The following DGKB variants were observed in gnomAD, a reference collection of about 807,000 sequenced individuals.
The protein encoded by DGKB is 90 kDa diacylglycerol kinase.
Under a neutral mutation model 114.3 loss-of-function variants are expected in DGKB, and 67 were observed. The ratio of observed to expected loss-of-function variants is 0.59; its 90% CI spans 0.48 to 0.72. DGKB has a LOEUF of 0.72. Among genes scored for constraint, DGKB ranks in the 30% least tolerant of loss-of-function variants. The probability of loss-of-function intolerance (pLI) is 0.00; values close to 1 mark genes in which losing one functional copy is unlikely to be tolerated. For synonymous variants in DGKB, 398 were observed against 323.1 expected (o/e 1.23, Z -2.49); for missense variants, 907 against 975.2 (o/e 0.93, Z 0.93).
rs959367117 is a variant in DGKB at position 14,281,046 on chromosome 7, A to G, written c.2122+57469T>C. ...AAATGTAAATGGACTAAATGCTCCA[A>G]TTAAAAGACACAGACTGGCAAATTG... is the stretch of plus-strand genomic sequence containing the variant. On this transcript the variant is annotated intron_variant, in intron 23 of 25. Transcript: ENST00000402815. Among the ~76,000 whole-genome samples, 255 of 150,154 alleles carry G rather than the reference A, an allele frequency of 1.7e-3. 1 individual carries two copies. Among genetic ancestry groups the G allele is most frequent in the African/African-American group, 5.9e-3 (241 of 41,042 alleles).
At chr7:14,505,050 T>C (rs1786815360) in intron 20 of DGKB, among the ~76,000 whole-genome samples, 1 of 152,198 alleles carries the variant, frequency 6.6e-6, no homozygotes, top group African/African-American at 2.4e-5. Context: ...TGCTATCTCT[T>C]AACCCCTGGC....
chr7:14,846,850 G>A (rs1860582), intron 1 of DGKB, among the ~76,000 whole-genome samples: 50,621 of 152,046 alleles, frequency 0.33, 10,027 homozygotes, highest in Non-Finnish European at 0.44. Context: ...CAACCTACTC[G>A]TGAAGACGCC....
At chr7:14,323,520 G>T (rs533166860) in intron 23 of DGKB, among the ~76,000 whole-genome samples, 2 of 152,284 alleles carry the variant, frequency 1.3e-5, no homozygotes, top group African/African-American at 2.4e-5. Context: ...ATCAGAGAAA[G>T]CTTCTCTTAA....
chr7:14,365,462 T>C (rs6979957), intron 21 of DGKB, among the ~76,000 whole-genome samples: 2,434 of 152,190 alleles, frequency 0.016, 69 homozygotes, highest in African/African-American at 0.056. Context: ...GAACCGACAG[T>C]ATAAATTCAA....
intron 4 of DGKB, among the ~76,000 whole-genome samples, chr7:14,739,877 C>G (rs546231887): frequency 1.5e-3 from 230 of 152,348 alleles, no homozygotes; most frequent in African/African-American, 5.2e-3. Flanking sequence ...GTGTTCCACC[C>G]CAACCCCAAC....
At chr7:14,384,496 A>C (rs1820007578) in intron 21 of DGKB, among the ~76,000 whole-genome samples, 1 of 147,670 alleles carries the variant, frequency 6.8e-6, no homozygotes, top group African/African-American at 2.7e-5. Context: ...GGATTCATAC[A>C]GACAATGTTT....
intron 2 of DGKB, among the ~76,000 whole-genome samples, chr7:14,811,895 C>CTT (rs11459015): frequency 6.6e-6 from 1 of 151,578 alleles, no homozygotes; most frequent in African/African-American, 2.4e-5. Context: ...ATCTTTAGAA[C>CTT]TTTTTTATTT....
intron 23 of DGKB, among the ~76,000 whole-genome samples, chr7:14,245,726 G>A (rs1794375050): frequency 2.0e-5 from 3 of 152,110 alleles, no homozygotes; most frequent in South Asian, 2.1e-4. Context: ...TGAGGAGTGC[G>A]AGATCAGCCT....
chr7:14,903,590 C>G (rs927439391), upstream of DGKB, among the ~76,000 whole-genome samples: 1 of 152,178 alleles, frequency 6.6e-6, no homozygotes, highest in Non-Finnish European at 1.5e-5. Flanking sequence ...GAAGCCACTT[C>G]TACCAATTGT....
intron 21 of DGKB, among the ~76,000 whole-genome samples, chr7:14,464,092 C>G (rs536439998): frequency 6.6e-5 from 10 of 150,944 alleles, no homozygotes; most frequent in Admixed American, 6.6e-4. Flanking sequence ...TTTTTTGTAA[C>G]TTTGTGTTCT....
intron 21 of DGKB, among the ~76,000 whole-genome samples, chr7:14,409,653 G>A (rs1824524907): frequency 7.4e-5 from 1 of 13,546 alleles, no homozygotes; most frequent in African/African-American, 1.6e-4. Context: ...CTTGCAGTGA[G>A]CCGAGATTGC....
chr7:14,826,070 T>C (rs1845670571), intron 2 of DGKB, among the ~76,000 whole-genome samples: 1 of 152,132 alleles, frequency 6.6e-6, no homozygotes. Context: ...CCTACATCGC[T>C]CTGGGGCTTG....
intron 23 of DGKB, among the ~76,000 whole-genome samples, chr7:14,310,605 C>G (rs964690070): frequency 6.6e-6 from 1 of 152,206 alleles, no homozygotes; most frequent in African/African-American, 2.4e-5. Flanking sequence ...CTCCACAACT[C>G]TCTATCTTTT....
At position 14,188,797 on chromosome 7, in the gene DGKB, A is replaced by G. The variant is rs1047261323; in HGVS notation, c.2123-10646T>C. 3.9e-5 allele frequency among the ~76,000 whole-genome samples: 6 copies of G among 152,242 alleles called. No homozygotes were observed. In the East Asian group the frequency reaches 9.6e-4, roughly 24 times the overall value. ...TAAAATCTACAAAAGAAAAGTATCAAGTCTCTTATAAGGGAATCTGCATCA... is the reference window on the plus strand; with the variant it reads ...TAAAATCTACAAAAGAAAAGTATCAGGTCTCTTATAAGGGAATCTGCATCA... On this transcript the variant is annotated intron_variant, in intron 23 of 25. Transcript: ENST00000402815.
chr7:14,918,017 T>C (rs2128245902), intron 1 of DGKB, among the ~76,000 whole-genome samples: 1 of 152,204 alleles, frequency 6.6e-6, no homozygotes. Context: ...ACGATCATAT[T>C]AATTGATACC....
Position 14,934,012 on chromosome 7 carries a change from A to G in DGKB, c.-188+40684T>C, listed in dbSNP as rs115974467. Among the ~76,000 whole-genome samples the G allele has an allele frequency of 5.0e-3, 766 of 152,280 alleles. 8 individuals are homozygous for G. Among genetic ancestry groups the G allele is most frequent in the African/African-American group, 0.018 (745 of 41,570 alleles). ...TAGAAAAATGACAATCTGTCAGTGA[A>G]AAATTTTTTCCATAGCATAGCAAAA... On this transcript the variant is annotated intron_variant, in intron 1 of 4. Coordinates refer to the DGKB transcript ENST00000437998.
chr7:14,971,741 C>T (rs1787481163), intron 1 of DGKB, among the ~76,000 whole-genome samples: 1 of 150,918 alleles, frequency 6.6e-6, no homozygotes, highest in Non-Finnish European at 1.5e-5. Flanking sequence ...CTAAACTTGC[C>T]TACAAAAGGA....
chr7:14,629,581 A>T (rs149754570), intron 14 of DGKB, among the ~76,000 whole-genome samples: 1 of 152,238 alleles, frequency 6.6e-6, no homozygotes, highest in Non-Finnish European at 1.5e-5. Flanking sequence ...TTTCCTATAG[A>T]GATAATAACA....
At chr7:14,193,095 C>T (rs998738573) in intron 23 of DGKB, among the ~76,000 whole-genome samples, 53 of 151,884 alleles carry the variant, frequency 3.5e-4, no homozygotes, top group African/African-American at 1.1e-3. Flanking sequence ...CCTCCTGCTA[C>T]GCGACCCAGT....
Sources: gnomAD v4.1 joint callset for allele counts (sites outside exome capture counted in the v4.1 genomes callset) on GRCh38, gnomAD v4.1.1 for gene constraint, MANE v1.5 for transcripts, NCBI Gene and HGNC (gene_info 2026-07-23, HGNC 2026-07-21) for gene names.